PTPRM: variants seen among roughly 807,000 people sequenced by gnomAD.
PTPRM encodes the protein receptor-type tyrosine-protein phosphatase mu.
PTPRM carries 47 observed loss-of-function variants against 186.7 expected under a neutral mutation model. That is an observed-to-expected ratio of 0.25 (90% CI 0.20 to 0.32). The LOEUF is 0.32. Ranked by LOEUF, PTPRM falls within the 10% of genes least tolerant of loss-of-function variation. PTPRM has a pLI of 1.00. For synonymous variants in PTPRM, 668 were observed against 674.9 expected (o/e 0.99, Z 0.16); for missense variants, 1,494 against 1,865.0 (o/e 0.80, Z 3.66).
chr18:8,253,780 G>A (rs1476965519), intron 19 of PTPRM, among the ~76,000 whole-genome samples: 3 of 152,186 alleles, frequency 2.0e-5, no homozygotes, highest in African/African-American at 7.2e-5. Context: ...ACTTTCATCT[G>A]ATAGTAAAAC....
chr18:8,310,377 G>C (rs570057926), intron 20 of PTPRM, among the ~76,000 whole-genome samples: 5 of 151,304 alleles, frequency 3.3e-5, no homozygotes, highest in African/African-American at 1.2e-4. Context: ...TCAGGATGAA[G>C]GTCCTAATGA....
At chr18:7,770,307 C>T (rs941620156) in intron 1 of PTPRM, among the ~76,000 whole-genome samples, 2 of 152,272 alleles carry the variant, frequency 1.3e-5, no homozygotes, top group Admixed American at 1.3e-4. Context: ...CTGTTCTTGG[C>T]ACTTCCATGT....
intron 1 of PTPRM, among the ~76,000 whole-genome samples, chr18:7,758,706 C>G (rs1466732980): frequency 6.6e-6 from 1 of 152,106 alleles, no homozygotes; most frequent in Admixed American, 6.5e-5. Flanking sequence ...GTAAAGATAT[C>G]ACATTTTGCT....
intron 3 of PTPRM, among the ~76,000 whole-genome samples, chr18:7,901,974 A>C (rs145217300): frequency 5.3e-5 from 8 of 152,316 alleles, no homozygotes; most frequent in Non-Finnish European, 7.3e-5. Context: ...TAAACATAGA[A>C]GTTGTTGCTT....
At chr18:8,159,192 G>A (rs115547071) in intron 14 of PTPRM, among the ~76,000 whole-genome samples, 2,494 of 152,184 alleles carry the variant, frequency 0.016, 79 homozygotes, top group African/African-American at 0.057. Context: ...ATTTTGGATG[G>A]ATCTCAGCAT....
intron 1 of PTPRM, among the ~76,000 whole-genome samples, chr18:7,743,187 C>T (rs2040917384): frequency 6.6e-6 from 1 of 152,194 alleles, no homozygotes; most frequent in South Asian, 2.1e-4. Flanking sequence ...TGTATGGCCG[C>T]TGATTGTCAC....
intron 13 of PTPRM, among the ~76,000 whole-genome samples, chr18:8,143,166 G>A (rs1054132726): frequency 2.0e-5 from 3 of 152,188 alleles, no homozygotes; most frequent in Non-Finnish European, 4.4e-5. Flanking sequence ...TGGTAAAAAT[G>A]CATGGTAAAT....
intron 19 of PTPRM, among the ~76,000 whole-genome samples, chr18:8,257,954 G>A (rs1027178714): frequency 4.6e-5 from 7 of 152,236 alleles, no homozygotes; most frequent in African/African-American, 1.7e-4. Context: ...TGGTGGGGAT[G>A]AGATGGAGCA....
chr18:8,383,455 C>T (rs116428350), intron 29 of PTPRM, among the ~76,000 whole-genome samples: 170 of 151,964 alleles, frequency 1.1e-3, no homozygotes, highest in African/African-American at 4.0e-3. Flanking sequence ...AAAATCTTAG[C>T]AGTTCTTCCT....
chr18:7,631,445 A>G (rs1032148582), intron 1 of PTPRM, among the ~76,000 whole-genome samples: 1 of 143,526 alleles, frequency 7.0e-6, no homozygotes, highest in African/African-American at 2.9e-5. Flanking sequence ...TCAGAACTAC[A>G]AGGCTGTTTT....
At chr18:8,019,772 TTAA>T (rs925884711) in intron 7 of PTPRM, among the ~76,000 whole-genome samples, 22 of 147,638 alleles carry the variant, frequency 1.5e-4, no homozygotes, top group African/African-American at 5.4e-4. Flanking sequence ...TATAATCATT[TTAA>T]TAATTATAAA....
intron 1 of PTPRM, among the ~76,000 whole-genome samples, chr18:7,652,041 C>T (rs2038720095): frequency 6.6e-6 from 1 of 152,132 alleles, no homozygotes; most frequent in South Asian, 2.1e-4. Flanking sequence ...ACAATGAACT[C>T]AAACAAATTT....
At chr18:7,772,055 A>G (rs566038960) in intron 1 of PTPRM, among the ~76,000 whole-genome samples, 38 of 152,234 alleles carry the variant, frequency 2.5e-4, no homozygotes, top group African/African-American at 8.9e-4. Flanking sequence ...TTGAGAAGAG[A>G]ATGTGGTTAA....
At chr18:7,621,385 C>G (rs1034847485) in intron 1 of PTPRM, among the ~76,000 whole-genome samples, 4 of 151,710 alleles carry the variant, frequency 2.6e-5, no homozygotes, top group Admixed American at 2.0e-4. Flanking sequence ...ATAGCCCTGC[C>G]CCCACACATG....
chr18:7,679,202 A>G (rs2039421865), intron 1 of PTPRM, among the ~76,000 whole-genome samples: 1 of 152,276 alleles, frequency 6.6e-6, no homozygotes, highest in African/African-American at 2.4e-5. Flanking sequence ...GCAGTCATTC[A>G]TTAAGTAAAA....
chr18:8,374,927 T>C (rs1371345536), intron 24 of PTPRM, among the ~76,000 whole-genome samples: 1 of 152,208 alleles, frequency 6.6e-6, no homozygotes, highest in African/African-American at 2.4e-5. Context: ...TTAATGAGTG[T>C]TTACTTTTAA....
At chr18:7,742,459 G>A (rs1404108176) in intron 1 of PTPRM, among the ~76,000 whole-genome samples, 3 of 152,142 alleles carry the variant, frequency 2.0e-5, no homozygotes, top group African/African-American at 7.2e-5. Context: ...CATTCAGCCA[G>A]CCATCTGGTA....
At chr18:8,042,413 T>C (rs1357432576) in intron 7 of PTPRM, among the ~76,000 whole-genome samples, 1 of 152,226 alleles carries the variant, frequency 6.6e-6, no homozygotes, top group African/African-American at 2.4e-5. Context: ...TTAAAAATTA[T>C]AACTCTTAAT....
chr18:7,670,863 A>C (rs1186774507), intron 1 of PTPRM, among the ~76,000 whole-genome samples: 1 of 152,236 alleles, frequency 6.6e-6, no homozygotes, highest in African/African-American at 2.4e-5. Context: ...TTAACTACAG[A>C]AGATGATTAG....
Sources: allele counts gnomAD v4.1 joint callset (sites outside exome capture counted in the v4.1 genomes callset), GRCh38; gene constraint gnomAD v4.1.1; transcripts MANE v1.5; gene names NCBI Gene and HGNC (gene_info 2026-07-23, HGNC 2026-07-21).